KCNIP3: variants seen among roughly 807,000 people sequenced by gnomAD.
KCNIP3 encodes the protein potassium voltage-gated channel interacting protein 3.
Under a neutral mutation model 35.0 loss-of-function variants are expected in KCNIP3, and 28 were observed. The observed-to-expected ratio is 0.80, with a 90% CI of 0.59 to 1.10. KCNIP3 has a LOEUF of 1.10. KCNIP3 is among the 50% of genes least tolerant of loss of function. The pLI is 0.00. For missense variants in KCNIP3, 295 were observed against 338.4 expected (o/e 0.87, Z 1.01); for synonymous variants, 134 against 133.8 (o/e 1.00, Z -0.01).
At chr2:95,349,090 C>G (rs531808770) in intron 2 of KCNIP3, among the ~76,000 whole-genome samples, 26 of 152,166 alleles carry the variant, frequency 1.7e-4, no homozygotes, top group African/African-American at 6.0e-4. Context: ...CTCAGACACC[C>G]CCCCCCGCCC....
At chr2:95,354,754 AGG>A (rs1158593662) in intron 2 of KCNIP3, among the ~76,000 whole-genome samples, 1 of 152,218 alleles carries the variant, frequency 6.6e-6, no homozygotes. Context: ...AGCAGGCCCA[AGG>A]GGCCATTGTG....
chr2:95,355,996 C>T (rs1394559647), intron 2 of KCNIP3, among the ~76,000 whole-genome samples: 3 of 152,232 alleles, frequency 2.0e-5, no homozygotes, highest in Admixed American at 1.3e-4. Flanking sequence ...TCCACATCCT[C>T]TCTAGCATCT....
chr2:95,347,129 C>G (rs1369878999), intron 2 of KCNIP3: 2 of 1,606,558 alleles, frequency 1.2e-6, no homozygotes, highest in Non-Finnish European at 1.7e-6. Flanking sequence ...GAAGGTAACG[C>G]GTGGCCACTT....
chr2:95,307,045 G>A (rs879753141), intron 1 of KCNIP3, among the ~76,000 whole-genome samples: 3 of 152,188 alleles, frequency 2.0e-5, no homozygotes, highest in African/African-American at 7.2e-5. Flanking sequence ...CTGCCCTCCT[G>A]TCCCTGGCCC....
intron 2 of KCNIP3, among the ~76,000 whole-genome samples, chr2:95,362,320 G>A (rs1175408616): frequency 2.0e-5 from 3 of 152,042 alleles, no homozygotes; most frequent in Non-Finnish European, 4.4e-5. Context: ...TGGTCAGGCC[G>A]GTCTCGAACT....
Position 95,382,449 on chromosome 2 carries a change from G to C in KCNIP3, c.628G>C (p.Ala210Pro), listed in dbSNP as rs1322328940. The C allele has an allele frequency of 6.2e-7, 1 of 1,609,046 alleles. No homozygotes were observed. Residue 210 changes from alanine (A) to proline (P), a missense_variant, in exon 7 of 9, where the codon GCG becomes CCG. Coordinates refer to ENST00000295225, the MANE Select transcript of KCNIP3 (RefSeq NM_013434.5). The surrounding 1 kb of genome is among the most constrained non-coding windows in gnomAD (Gnocchi z 4.5). ...CACCTACCCCATCCTGCGGGAGGAC[G>C]CGCCGGCGGAGCACGTGGAGAGGTT... ...RHTYPILRED[A>P]PAEHVERFFE...
At chr2:95,329,173 A>G (rs1678866704) in intron 2 of KCNIP3, among the ~76,000 whole-genome samples, 1 of 152,232 alleles carries the variant, frequency 6.6e-6, no homozygotes, top group Non-Finnish European at 1.5e-5. Flanking sequence ...TTAGCCCAGG[A>G]GTACTCCGTG....
intron 2 of KCNIP3, among the ~76,000 whole-genome samples, chr2:95,364,998 A>G (rs1679885065): frequency 6.6e-6 from 1 of 152,062 alleles, no homozygotes; most frequent in East Asian, 2.0e-4. Context: ...AGGTGGGAGG[A>G]TCACCTGAGC....
chr2:95,312,885 C>G (rs1466026598), intron 2 of KCNIP3: 1 of 152,248 alleles, frequency 6.6e-6, no homozygotes. Flanking sequence ...CCATAGCTCC[C>G]GGGTCTCCTC....
chr2:95,346,538 G>C (rs1482000552), intron 2 of KCNIP3, among the ~76,000 whole-genome samples: 1 of 147,680 alleles, frequency 6.8e-6, no homozygotes, highest in Non-Finnish European at 1.5e-5. Context: ...CTAGGCCAAT[G>C]AGCGCGCGGG....
chr2:95,310,311 C>A (rs369238634), intron 1 of KCNIP3, 44 bp from the exon 2 acceptor site: 2 of 1,612,904 alleles, frequency 1.2e-6, no homozygotes, highest in Non-Finnish European at 1.7e-6. Flanking sequence ...GGGGTCCCCC[C>A]TCTGAGCAGG....
chr2:95,372,734 A>G (rs1256737480), intron 2 of KCNIP3, among the ~76,000 whole-genome samples: 1 of 152,182 alleles, frequency 6.6e-6, no homozygotes, highest in Non-Finnish European at 1.5e-5. Context: ...GTTTTCCTCC[A>G]TGGCTTGTGT....
chr2:95,331,203 G>A (rs1003761660), intron 2 of KCNIP3, among the ~76,000 whole-genome samples: 1 of 152,120 alleles, frequency 6.6e-6, no homozygotes, highest in Non-Finnish European at 1.5e-5. Flanking sequence ...AGGGAGCAGC[G>A]GTACATTTGG....
At chr2:95,332,286 A>G (rs1382720899) in intron 2 of KCNIP3, among the ~76,000 whole-genome samples, 1 of 152,202 alleles carries the variant, frequency 6.6e-6, no homozygotes, top group African/African-American at 2.4e-5. Context: ...CGTATTGATG[A>G]TCTGATTTTA....
chr2:95,310,661 A>C, intron 2 of KCNIP3, 141 bp downstream of exon 2: 2 of 870,544 alleles, frequency 2.3e-6, no homozygotes, highest in African/African-American at 1.7e-5. Flanking sequence ...GTGTGTTTTC[A>C]TTCATTCACA....
Position 95,316,189 on chromosome 2 carries a change from G to A in KCNIP3, c.181+5669G>A, listed in dbSNP as rs547809657. Among the ~76,000 whole-genome samples, 28 of 152,326 alleles carry A rather than the reference G, an allele frequency of 1.8e-4. 1 individual carries two copies. The South Asian group carries it at 5.6e-3, about 30-fold the overall frequency. On this transcript the variant is annotated intron_variant, in intron 2 of 8. Transcript: ENST00000295225. ...CATTCCAACTTGCCTTAGACTCATC[G>A]TGTGTCATTGAATGTTCTGGGTCAT...
chr2:95,374,714 G>A (rs1468440456), intron 3 of KCNIP3, 134 bp from the exon 4 acceptor site: 1 of 1,053,782 alleles, frequency 9.5e-7, no homozygotes, highest in African/African-American at 1.6e-5. Context: ...CACAACCCAG[G>A]CCAGGGGGCC....
chr2:95,309,236 G>A (rs964385184), intron 1 of KCNIP3, among the ~76,000 whole-genome samples: 1 of 152,198 alleles, frequency 6.6e-6, no homozygotes, highest in African/African-American at 2.4e-5. Flanking sequence ...GCAGCCTGCG[G>A]TGCACCTCCC....
At chr2:95,311,123 G>T (rs375813003) in intron 2 of KCNIP3, 1 of 161,264 alleles carries the variant, frequency 6.2e-6, no homozygotes, top group East Asian at 1.8e-4. Flanking sequence ...GGTGTTTGCC[G>T]AGTATAACAG....
Sources: gnomAD v4.1 joint callset for allele counts (sites outside exome capture counted in the v4.1 genomes callset) on GRCh38, gnomAD v4.1.1 for gene constraint, Gnocchi (gnomAD v3.1) non-coding constraint, MANE v1.5 for transcripts, NCBI Gene and HGNC (gene_info 2026-07-23, HGNC 2026-07-21) for gene names.